The following PELI2 variants were observed in gnomAD, a reference collection of about 807,000 sequenced individuals.
PELI2 encodes E3 ubiquitin-protein ligase pellino homolog 2.
A neutral mutation model predicts 42.3 loss-of-function variants in PELI2; 23 were observed. The observed-to-expected ratio is 0.54, with a 90% confidence interval of 0.39 to 0.77. The LOEUF (loss-of-function observed/expected upper bound fraction) is 0.77, where lower values mean the gene tolerates loss of function less well. Ranked by LOEUF, PELI2 falls within the 30% of genes least tolerant of loss-of-function variation. PELI2 has a pLI of 0.00. For synonymous variants in PELI2, 245 were observed against 212.2 expected (o/e 1.15, Z -1.34); for missense variants, 463 against 553.2 (o/e 0.84, Z 1.64).
chr14:56,290,443 A>G lies in PELI2; in HGVS notation c.683A>G (p.Gln228Arg). 1 of 1,602,114 alleles carries G rather than the reference A, an allele frequency of 6.2e-7. No individual in the cohort carries two copies. The highest frequency in any genetic ancestry group is 1.3e-5 in the African/African-American group (1 of 74,750). ...TTGCGAGAAACCAGGTCGGCCCAGC[A>G]ACGAGGAAAGCTGGTGAGTGTGCTT... is the stretch of plus-strand genomic sequence containing the variant. ...YTLRETRSAQQRGKLVESETN... is the reference protein window; with the variant it reads ...YTLRETRSAQRRGKLVESETN... Residue 228 changes from glutamine (Q) to arginine (R), a missense_variant, in exon 5 of 6, where the codon CAA becomes CGA. Gln to Arg is a conservative substitution (Grantham distance 43). Transcript: ENST00000267460.
At chr14:56,212,590 G>A (rs968591272) in intron 2 of PELI2, among the ~76,000 whole-genome samples, 1 of 152,202 alleles carries the variant, frequency 6.6e-6, no homozygotes, top group African/African-American at 2.4e-5. Flanking sequence ...CCTCAATGCT[G>A]TCTTATTGTT....
chr14:56,132,790 T>C (rs965153646), intron 1 of PELI2, among the ~76,000 whole-genome samples: 7 of 152,188 alleles, frequency 4.6e-5, no homozygotes, highest in Admixed American at 2.6e-4. Context: ...TCACGCCCTC[T>C]TTGATTTTGC....
At chr14:56,170,183 G>A (rs1450013910) in intron 1 of PELI2, among the ~76,000 whole-genome samples, 1 of 152,168 alleles carries the variant, frequency 6.6e-6, no homozygotes, top group Non-Finnish European at 1.5e-5. Context: ...GGAAGGCGGA[G>A]TCTTCAGCCT....
At chr14:56,152,430 T>C (rs1884396638) in intron 1 of PELI2, among the ~76,000 whole-genome samples, 1 of 152,072 alleles carries the variant, frequency 6.6e-6, no homozygotes, top group Non-Finnish European at 1.5e-5. Context: ...AAAAGGAAGA[T>C]GGGAGGATGA....
intron 1 of PELI2, among the ~76,000 whole-genome samples, chr14:56,139,648 C>A (rs1043270618): frequency 6.6e-6 from 1 of 151,970 alleles, no homozygotes. Flanking sequence ...GCAGCTTGTT[C>A]CCCCACCACA....
chr14:56,203,305 A>T (rs1443044926), intron 2 of PELI2, among the ~76,000 whole-genome samples: 1 of 152,092 alleles, frequency 6.6e-6, no homozygotes, highest in African/African-American at 2.4e-5. Context: ...GCACCACCTC[A>T]CTCCAGCCTG....
intron 2 of PELI2, among the ~76,000 whole-genome samples, chr14:56,179,637 A>G (rs1446476312): frequency 2.0e-5 from 3 of 152,232 alleles, no homozygotes; most frequent in African/African-American, 7.2e-5. Context: ...TTTATGAGGA[A>G]AACAAAGGAA....
At chr14:56,255,114 G>A (rs546081265) in intron 2 of PELI2, among the ~76,000 whole-genome samples, 2 of 152,290 alleles carry the variant, frequency 1.3e-5, no homozygotes, top group Admixed American at 6.5e-5. Flanking sequence ...AATACCATTT[G>A]ACCCAGCAAT....
intron 2 of PELI2, among the ~76,000 whole-genome samples, chr14:56,198,627 G>A (rs780204160): frequency 7.9e-5 from 12 of 152,198 alleles, no homozygotes; most frequent in Admixed American, 3.3e-4. Context: ...CAGGAGATGA[G>A]CAAGTGCAGA....
chr14:56,276,421 G>T (rs1313224772), intron 2 of PELI2, among the ~76,000 whole-genome samples: 1 of 152,132 alleles, frequency 6.6e-6, no homozygotes, highest in Admixed American at 6.5e-5. Flanking sequence ...GGCCAGCCCA[G>T]CCCACGTTTC....
At chr14:56,239,447 T>C (rs1887901593) in intron 2 of PELI2, among the ~76,000 whole-genome samples, 1 of 152,234 alleles carries the variant, frequency 6.6e-6, no homozygotes, top group Non-Finnish European at 1.5e-5. Flanking sequence ...AACTGATTTT[T>C]TAGAGTAAGT....
At chr14:56,216,795 GTTTC>G (rs1285211393) in intron 2 of PELI2, among the ~76,000 whole-genome samples, 1 of 152,194 alleles carries the variant, frequency 6.6e-6, no homozygotes, top group Non-Finnish European at 1.5e-5. Flanking sequence ...AGCTAATTCA[GTTTC>G]TTTACTTACC....
chr14:56,289,062 G>A (rs987407572), intron 4 of PELI2, among the ~76,000 whole-genome samples: 4 of 152,158 alleles, frequency 2.6e-5, no homozygotes, highest in Non-Finnish European at 5.9e-5. Flanking sequence ...GGATTACAGA[G>A]AACAACACAG....
intron 1 of PELI2, among the ~76,000 whole-genome samples, chr14:56,131,592 G>A (rs961759667): frequency 6.6e-6 from 1 of 152,230 alleles, no homozygotes; most frequent in Non-Finnish European, 1.5e-5. Flanking sequence ...TAGTTTACAT[G>A]TACCAGAAAT....
At chr14:56,138,076 T>C (rs2031964632) in intron 1 of PELI2, among the ~76,000 whole-genome samples, 2 of 152,210 alleles carry the variant, frequency 1.3e-5, no homozygotes, top group Admixed American at 1.3e-4. Flanking sequence ...TCAGCCAGGC[T>C]GCATGCCTTA....
chr14:56,285,192 A>G (rs896266801), intron 3 of PELI2, among the ~76,000 whole-genome samples: 1 of 152,230 alleles, frequency 6.6e-6, no homozygotes, highest in Non-Finnish European at 1.5e-5. Flanking sequence ...AGTAAGACAT[A>G]ATGGTAACCA....
In PELI2 at chr14:56,183,106, T is replaced by C. The variant is rs1011696542; in HGVS notation, c.207+4642T>C. 3.9e-5 allele frequency among the ~76,000 whole-genome samples: 6 copies of C among 152,322 alleles called. 1 individual carries two copies. The highest frequency in any genetic ancestry group is 1.4e-4 in the African/African-American group (6 of 41,570). ...TAACTCTTGGATTGGTCGTGTGTGG[T>C]GTTTCATACTTAGAAGTTCAATAAT... On this transcript the variant is annotated intron_variant, in intron 2 of 5. Coordinates refer to ENST00000267460, the MANE Select transcript of PELI2 (RefSeq NM_021255.3).
chr14:56,269,939 A>T (rs2139852430), intron 2 of PELI2, among the ~76,000 whole-genome samples: 1 of 152,324 alleles, frequency 6.6e-6, no homozygotes, highest in African/African-American at 2.4e-5. Context: ...CATCTTCTGA[A>T]ACTGGTACCA....
intron 2 of PELI2, among the ~76,000 whole-genome samples, chr14:56,269,401 C>A (rs750239848): frequency 6.6e-6 from 1 of 151,938 alleles, no homozygotes; most frequent in South Asian, 2.1e-4. Flanking sequence ...TGTGACTGTG[C>A]CACTGTACTC....
Sources: allele counts gnomAD v4.1 joint callset (sites outside exome capture counted in the v4.1 genomes callset), GRCh38; gene constraint gnomAD v4.1.1; transcripts MANE v1.5; gene names NCBI Gene and HGNC (gene_info 2026-07-23, HGNC 2026-07-21).